Variants in DACH2 observed in about 807,000 individuals in gnomAD.
DACH2 encodes dachshund family transcription factor 2.
DACH2 carries 17 observed loss-of-function variants against 35.8 expected under a neutral mutation model. The ratio of observed to expected loss-of-function variants is 0.48; its 90% CI spans 0.33 to 0.71. The LOEUF (loss-of-function observed/expected upper bound fraction) is 0.71, where lower values mean the gene tolerates loss of function less well. Among genes scored for constraint, DACH2 ranks in the 30% least tolerant of loss-of-function variants. DACH2 has a pLI of 0.02. For missense variants in DACH2, 469 were observed against 472.7 expected (o/e 0.99, Z 0.07); for synonymous variants, 195 against 177.3 (o/e 1.10, Z -0.79).
chrX:86,579,479 A>T (rs1335114791), intron 3 of DACH2, among the ~76,000 whole-genome samples: 1 of 111,058 alleles, frequency 9.0e-6, no homozygotes, highest in East Asian at 2.8e-4. Context: ...GAGTGGACAA[A>T]AAAAAAATGC....
At chrX:86,318,610 G>A (rs1347670986) in intron 1 of DACH2, among the ~76,000 whole-genome samples, 2 of 110,709 alleles carry the variant, frequency 1.8e-5, no homozygotes, top group Non-Finnish European at 3.8e-5. Context: ...TACAGTTTTG[G>A]AACATATTTT....
chrX:86,700,114 ATGTGG>A (rs5902913), intron 5 of DACH2, among the ~76,000 whole-genome samples: 26,092 of 110,073 alleles, frequency 0.24, 2,572 homozygotes, highest in Admixed American at 0.45. Flanking sequence ...ATGTTTGATT[ATGTGG>A]TCAATTTTAG....
intron 3 of DACH2, among the ~76,000 whole-genome samples, chrX:86,647,618 T>C (rs775396348): frequency 9.0e-6 from 1 of 111,002 alleles, no homozygotes; most frequent in African/African-American, 3.3e-5. Flanking sequence ...ATAGTGTCTA[T>C]AGTTAACAAT....
At chrX:86,170,742 T>C (rs1249259234) in intron 1 of DACH2, among the ~76,000 whole-genome samples, 1 of 112,272 alleles carries the variant, frequency 8.9e-6, no homozygotes, top group African/African-American at 3.2e-5. Flanking sequence ...TCTCAGTCAA[T>C]TTAGAAAGTT....
At chrX:86,328,229 G>A (rs1055704249) in intron 1 of DACH2, among the ~76,000 whole-genome samples, 1 of 111,515 alleles carries the variant, frequency 9.0e-6, no homozygotes, top group African/African-American at 3.2e-5. Flanking sequence ...CTGAGAGAAC[G>A]AAAATCTTAG....
intron 3 of DACH2, among the ~76,000 whole-genome samples, chrX:86,611,958 TG>T (rs2039951031): frequency 1.5e-5 from 1 of 66,330 alleles, no homozygotes; most frequent in Non-Finnish European, 2.8e-5. Context: ...TTGTTGTTCC[TG>T]TGTGTGTGTG....
intron 1 of DACH2, among the ~76,000 whole-genome samples, chrX:86,359,507 G>A (rs778911790): frequency 8.9e-6 from 1 of 111,760 alleles, no homozygotes; most frequent in Admixed American, 9.5e-5. Context: ...CAGCACTTTG[G>A]GAGGCCAAGG....
At chrX:86,308,754 C>A (rs911622659) in intron 1 of DACH2, among the ~76,000 whole-genome samples, 2 of 111,738 alleles carry the variant, frequency 1.8e-5, no homozygotes, top group African/African-American at 6.5e-5. Flanking sequence ...GGGAAATGAT[C>A]AGACGTTTGG....
intron 1 of DACH2, among the ~76,000 whole-genome samples, chrX:86,294,427 C>G (rs1207878393): frequency 2.7e-5 from 3 of 110,301 alleles, no homozygotes; most frequent in African/African-American, 9.9e-5. Context: ...CTCAGCTTGT[C>G]AAAGTCATTA....
At chrX:86,178,672 G>A (rs1243818125) in intron 1 of DACH2, among the ~76,000 whole-genome samples, 1 of 110,872 alleles carries the variant, frequency 9.0e-6, no homozygotes, top group Non-Finnish European at 1.9e-5. Context: ...CTACTTTCTA[G>A]ATGTATGACC....
chrX:86,529,012 C>T (rs143076773), intron 3 of DACH2, among the ~76,000 whole-genome samples: 2 of 111,278 alleles, frequency 1.8e-5, no homozygotes, highest in Non-Finnish European at 1.9e-5. Flanking sequence ...CACATAGTCA[C>T]CCTATTCTGC....
At position 86,451,669 on chromosome X, in the gene DACH2, T is replaced by C. The variant is rs184967532; in HGVS notation, c.528-62610T>C. 5.4e-5 allele frequency among the ~76,000 whole-genome samples: 6 copies of C among 111,848 alleles called. No homozygotes were observed. The East Asian group carries it at 1.7e-3, about 31-fold the overall frequency. On this transcript the variant is annotated intron_variant, in intron 2 of 11. Coordinates refer to ENST00000373125, the MANE Select transcript of DACH2 (RefSeq NM_053281.3). ...GGGCAGTTTGGCCATTTTCACAATA[T>C]TGATTCTTCCTATCAATGAAGATGG... is the stretch of plus-strand genomic sequence containing the variant.
At position 86,182,472 on chromosome X, in the gene DACH2, G is replaced by A. The variant is rs145442001; in HGVS notation, c.488+33364G>A. On this transcript the variant is annotated intron_variant, in intron 1 of 11. Transcript: ENST00000373125. ...TTTCCCCATTGCTTGTTTTTGTCAG[G>A]TTTGTCAAAGATCAGATGGCTGTAG... Among the ~76,000 whole-genome samples the A allele has an allele frequency of 6.2e-3, 687 of 111,661 alleles. 5 individuals are homozygous for A. The highest frequency in any genetic ancestry group is 0.02 in the African/African-American group (627 of 30,708).
chrX:86,784,777 G>A (rs1257042431), intron 7 of DACH2, among the ~76,000 whole-genome samples: 1 of 111,907 alleles, frequency 8.9e-6, no homozygotes, highest in African/African-American at 3.2e-5. Context: ...TAAATATATA[G>A]CAGAGAATAC....
At chrX:86,194,066 T>C (rs2031909039) in intron 1 of DACH2, among the ~76,000 whole-genome samples, 1 of 110,621 alleles carries the variant, frequency 9.0e-6, no homozygotes, top group Admixed American at 9.7e-5. Flanking sequence ...CAAAACTCTC[T>C]TCTGAACTGA....
At chrX:86,700,196 G>C (rs908152411) in intron 5 of DACH2, among the ~76,000 whole-genome samples, 1 of 111,221 alleles carries the variant, frequency 9.0e-6, no homozygotes, top group African/African-American at 3.3e-5. Context: ...CAATTTTAAA[G>C]CATGTGCATG....
chrX:86,366,772 G>T (rs940350658), intron 1 of DACH2, among the ~76,000 whole-genome samples: 1 of 109,831 alleles, frequency 9.1e-6, no homozygotes, highest in African/African-American at 3.3e-5. Context: ...TTTGGTTGTT[G>T]AGAAGAGTCT....
Position 86,223,917 on chromosome X carries a change from A to G in DACH2, c.488+74809A>G, listed in dbSNP as rs112510346. 5.4e-3 allele frequency among the ~76,000 whole-genome samples: 608 copies of G among 112,284 alleles called. 2 individuals are homozygous for G. The highest frequency in any genetic ancestry group is 0.019 in the African/African-American group (575 of 31,000). On this transcript the variant is annotated intron_variant, in intron 1 of 11. Transcript: ENST00000373125. ...CTTTTTAGGTGCTGACCATCTCTTG[A>G]GAAGTAGAAACTTGGTGTATAGCTT... is the stretch of plus-strand genomic sequence containing the variant.
At chrX:86,477,130 A>G (rs1381487843) in intron 2 of DACH2, among the ~76,000 whole-genome samples, 1 of 109,644 alleles carries the variant, frequency 9.1e-6, no homozygotes, top group South Asian at 3.8e-4. Flanking sequence ...GCTATTATAT[A>G]AAATGATCTA....
Sources: gnomAD v4.1 joint callset for allele counts (sites outside exome capture counted in the v4.1 genomes callset) on GRCh38, gnomAD v4.1.1 for gene constraint, MANE v1.5 for transcripts, NCBI Gene and HGNC (gene_info 2026-07-23, HGNC 2026-07-21) for gene names.